MYO10: variants seen among roughly 807,000 people sequenced by gnomAD.
The protein encoded by MYO10 is myosin X, also known as unconventional myosin-X.
In MYO10, 133 loss-of-function variants were observed where a neutral mutation model predicts 257.3. The observed-to-expected ratio is 0.52, with a 90% CI of 0.45 to 0.60. The LOEUF is 0.60. Among genes scored for constraint, MYO10 ranks in the 20% least tolerant of loss-of-function variants. The probability of loss-of-function intolerance (pLI) is 0.00; values close to 1 mark genes in which losing one functional copy is unlikely to be tolerated. For missense variants in MYO10, 2,399 were observed against 2,635.7 expected (o/e 0.91, Z 1.97); for synonymous variants, 1,104 against 1,028.6 (o/e 1.07, Z -1.40).
Position 16,668,404 on chromosome 5 carries a change from T to G in MYO10, c.5948A>C (p.Tyr1983Ser), listed in dbSNP as rs1736279092. ...CAGTGGTCTTCCCTCTCCACGCTTG[T>G]AGACGGAGACGGCGTCCGCGCTGAC... ...LGVSADAVSV[Y>S]KRGEGRPLEV... The change falls in exon 40 of 41, where the codon TAC becomes TCC. Residue 1983 changes from tyrosine to serine, a missense_variant. Around this residue, in one of 3 missense-constraint regions of MYO10, gnomAD observed 1,820 missense variants for 1,939.4 expected, o/e 0.94. Transcript: ENST00000513610. 1 of 1,613,878 alleles carries G rather than the reference T, an allele frequency of 6.2e-7. No individual in the cohort carries two copies. Among genetic ancestry groups the G allele is most frequent in the Admixed American group, 1.7e-5 (1 of 60,004 alleles).
intron 17 of MYO10, among the ~76,000 whole-genome samples, chr5:16,758,963 C>G (rs1740614511): frequency 6.6e-6 from 1 of 152,006 alleles, no homozygotes; most frequent in Non-Finnish European, 1.5e-5. Context: ...GCTCTTTCAC[C>G]CAGGCTGGAG....
At position 16,803,477 on chromosome 5, in the gene MYO10, A is replaced by G. The variant is rs539839123; in HGVS notation, c.280-8644T>C. On this transcript the variant is annotated intron_variant, in intron 3 of 40. Transcript: ENST00000513610. ...CACCTTCAAATTTGAACCCAAATTA[A>G]ATAAAAATGTTCTGGTGACAAGCTA... Among the ~76,000 whole-genome samples, 16 of 152,348 alleles carry G rather than the reference A, an allele frequency of 1.1e-4. No homozygotes were observed. In the East Asian group the frequency reaches 3.1e-3, roughly 29 times the overall value.
intron 40 of MYO10, 95 bp from the exon 41 acceptor site, chr5:16,666,888 C>T (rs998942989): frequency 2.5e-5 from 25 of 981,726 alleles, no homozygotes; most frequent in Non-Finnish European, 3.3e-5. Context: ...GGCACCCTCC[C>T]GTAGCCTTCC....
intron 19 of MYO10, among the ~76,000 whole-genome samples, chr5:16,712,362 G>A (rs548558453): frequency 7.2e-5 from 11 of 152,294 alleles, no homozygotes; most frequent in African/African-American, 2.4e-4. Flanking sequence ...CTGGGGCCAG[G>A]ACAATAGGTT....
At chr5:16,896,813 T>C (rs745653534) in intron 1 of MYO10, among the ~76,000 whole-genome samples, 4 of 152,100 alleles carry the variant, frequency 2.6e-5, no homozygotes, top group Non-Finnish European at 4.4e-5. Context: ...CAGGGCCTTC[T>C]GGGTGGTTAC....
chr5:16,814,269 G>A (rs1216369534), intron 3 of MYO10, among the ~76,000 whole-genome samples: 1 of 152,046 alleles, frequency 6.6e-6, no homozygotes, highest in East Asian at 1.9e-4. Context: ...AGCCTCCCGA[G>A]TACCTAGGAC....
intron 3 of MYO10, among the ~76,000 whole-genome samples, chr5:16,802,655 T>TTA (rs1560992684): frequency 9.9e-6 from 1 of 101,036 alleles, no homozygotes; most frequent in Non-Finnish European, 1.9e-5. Flanking sequence ...AGACTGTCTC[T>TTA]AAAAAAAAAA....
At chr5:16,785,419 G>A (rs34387749) in intron 4 of MYO10, among the ~76,000 whole-genome samples, 34,165 of 152,192 alleles carry the variant, frequency 0.22, 4,165 homozygotes, top group Non-Finnish European at 0.27. Flanking sequence ...ATATTGACGC[G>A]ACAGCTGTTG....
At position 16,796,211 on chromosome 5, in the gene MYO10, C is replaced by CAGAGAGAGAGCGAGAA. The variant is rs1741944287; in HGVS notation, c.280-1394_280-1379dup. On this transcript the variant is annotated intron_variant, in intron 3 of 40. Coordinates refer to ENST00000513610, the MANE Select transcript of MYO10 (RefSeq NM_012334.3). ...CAAAAAAAAAAAAAAAAAGAAAGAA[C>CAGAGAGAGAGCGAGAA]AGAGAGAGAGCGAGAAAGAGAAAGA... 1.8e-4 allele frequency among the ~76,000 whole-genome samples: 20 copies of CAGAGAGAGAGCGAGAA among 110,958 alleles called. No individual in the cohort carries two copies. The South Asian group carries it at 5.4e-3, about 30-fold the overall frequency. 72.8% of individuals were successfully genotyped at this position (110,958 alleles called of 152,430 possible).
chr5:16,763,382 T>C (rs533590965), intron 14 of MYO10, 99 bp downstream of exon 14: 3 of 895,896 alleles, frequency 3.3e-6, no homozygotes, highest in South Asian at 2.9e-5. Context: ...ATTCACATCG[T>C]TGATGTGCGT....
chr5:16,766,012 T>C, intron 11 of MYO10, 68 bp downstream of exon 11: 2 of 1,086,494 alleles, frequency 1.8e-6, no homozygotes, highest in Non-Finnish European at 2.8e-6. Context: ...CATATTTCAA[T>C]CAAACCTATG....
intron 19 of MYO10, among the ~76,000 whole-genome samples, chr5:16,736,067 C>T (rs557553638): frequency 1.3e-5 from 2 of 152,308 alleles, no homozygotes; most frequent in Non-Finnish European, 2.9e-5. Context: ...TTTACCAAAA[C>T]GACCAGGACA....
At chr5:16,876,475 GTCT>G (rs1289953665) in intron 2 of MYO10, among the ~76,000 whole-genome samples, 1 of 152,136 alleles carries the variant, frequency 6.6e-6, no homozygotes, top group Non-Finnish European at 1.5e-5. Context: ...GATTTAGTCA[GTCT>G]TCTTCTTACA....
chr5:16,834,014 G>A lies in MYO10; in HGVS notation c.121-15847C>T, dbSNP rs1743234299. Among the ~76,000 whole-genome samples, 3 of 152,006 alleles carry A rather than the reference G, an allele frequency of 2.0e-5. No homozygotes were observed. The South Asian group carries it at 6.2e-4, about 32-fold the overall frequency. ...ATTATTTAATGTGGTTTCTCTGCCA[G>A]GCCCCCCCGAACGCCCCATTGTTTC... On this transcript the variant is annotated intron_variant, in intron 2 of 40. Transcript: ENST00000513610.
Position 16,701,207 on chromosome 5 carries a change from A to G in MYO10, c.3188T>C (p.Leu1063Pro). ...LAPSVQDSGS[L>P]HNSSSGESTY... ...GGACTCGCCGCTGGAGGAGTTGTGT[A>G]GGCTCCCGGAGTCCTGCACTGATGG... Residue 1063 changes from leucine to proline, a missense_variant, in exon 25 of 41, where the codon CTA (leucine) becomes CCA (proline). Leu to Pro is a moderately conservative substitution (Grantham distance 98, BLOSUM62 -3). This residue lies in a region of MYO10 where 1,820 missense variants were observed against 1,939.4 expected (regional missense o/e 0.94). Coordinates refer to ENST00000513610, the MANE Select transcript of MYO10 (RefSeq NM_012334.3). This position sits in a 1 kb window ranked among gnomAD's most constrained non-coding sequence, Gnocchi z 8.1. The G allele has an allele frequency of 1.2e-6, 2 of 1,611,014 alleles. No homozygotes were observed. The highest frequency in any genetic ancestry group is 1.7e-6 in the Non-Finnish European group (2 of 1,178,650).
At chr5:16,718,343 C>G (rs563059102) in intron 19 of MYO10, among the ~76,000 whole-genome samples, 8 of 152,188 alleles carry the variant, frequency 5.3e-5, no homozygotes, top group Non-Finnish European at 1.0e-4. Context: ...TGCGAGCGCA[C>G]GGCGCAGGAC....
At chr5:16,716,502 A>G (rs1010835956) in intron 19 of MYO10, among the ~76,000 whole-genome samples, 4 of 151,616 alleles carry the variant, frequency 2.6e-5, no homozygotes, top group Non-Finnish European at 5.9e-5. Flanking sequence ...AGTGCATGAC[A>G]ATAAGAAGTA....
chr5:16,859,583 A>C lies in MYO10; in HGVS notation c.120+18026T>G, dbSNP rs138644519. Among the ~76,000 whole-genome samples, 538 of 152,106 alleles carry C rather than the reference A, an allele frequency of 3.5e-3. 8 individuals carry two copies. Among genetic ancestry groups the C allele is most frequent in the African/African-American group, 0.011 (474 of 41,514 alleles). ...CAACACAGTGAGATCCCATCTCTAC[A>C]AAAAAGTTGAAAAATTACCTGGCCA... On this transcript the variant is annotated intron_variant, in intron 2 of 40. Transcript: ENST00000513610.
chr5:16,764,136 G>T, intron 12 of MYO10, 114 bp downstream of exon 12: 2 of 1,186,142 alleles, frequency 1.7e-6, no homozygotes, highest in Non-Finnish European at 2.3e-6. Flanking sequence ...TACAGAGTGA[G>T]ACTCCTTCTC....
Sources: allele counts gnomAD v4.1 joint callset (sites outside exome capture counted in the v4.1 genomes callset), GRCh38; gene constraint gnomAD v4.1.1; regional missense constraint gnomAD v4.1.1; non-coding constraint Gnocchi (gnomAD v3.1); transcripts MANE v1.5; gene names NCBI Gene and HGNC (gene_info 2026-07-23, HGNC 2026-07-21).